Variants in B9D2 observed in about 807,000 individuals in gnomAD.
B9D2 encodes B9 domain-containing protein 2.
A neutral mutation model predicts 19.2 loss-of-function variants in B9D2; 21 were observed. The observed-to-expected ratio is 1.09, with a 90% confidence interval of 0.78 to 1.58. B9D2 has a LOEUF of 1.58. Among genes scored for constraint, B9D2 ranks in the 40% most tolerant of loss-of-function variants. The pLI is 0.00. For missense variants in B9D2, 221 were observed against 244.3 expected (o/e 0.90, Z 0.64); for synonymous variants, 91 against 100.6 (o/e 0.90, Z 0.57).
Position 41,356,696 on chromosome 19 carries a change from CA to C in B9D2, c.214+1200del, listed in dbSNP as rs1395522852. ...CCATCTCTATTAAAAAAAAAAAAGG[CA>C]AAAATTAGCCAGATGTGGTGGCACG... On this transcript the variant is annotated intron_variant, in intron 3 of 3. Transcript: ENST00000243578. Among the ~76,000 whole-genome samples, 10 of 150,664 alleles carry C rather than the reference CA, an allele frequency of 6.6e-5. No homozygotes were observed. The East Asian group carries it at 1.7e-3, about 26-fold the overall frequency.
intron 2 of B9D2, among the ~76,000 whole-genome samples, chr19:41,362,471 C>A (rs937010937): frequency 6.6e-6 from 1 of 151,564 alleles, no homozygotes; most frequent in African/African-American, 2.4e-5. Context: ...ATCTGTGCCA[C>A]GCAACAACAT....
chr19:41,360,541 T>TAG (rs1011954461), intron 2 of B9D2, among the ~76,000 whole-genome samples: 2 of 152,086 alleles, frequency 1.3e-5, no homozygotes, highest in Admixed American at 6.6e-5. Flanking sequence ...CTTTTGCTCT[T>TAG]GTTGCCCAAG....
chr19:41,356,735 C>A (rs985281638), intron 3 of B9D2, among the ~76,000 whole-genome samples: 1 of 151,896 alleles, frequency 6.6e-6, no homozygotes, highest in Non-Finnish European at 1.5e-5. Flanking sequence ...GCTGTAGTCC[C>A]AGCTACTCGT....
At chr19:41,361,544 T>C (rs968528567) in intron 2 of B9D2, among the ~76,000 whole-genome samples, 1 of 151,732 alleles carries the variant, frequency 6.6e-6, no homozygotes, top group Non-Finnish European at 1.5e-5. Flanking sequence ...TCCCAGCACT[T>C]TGGAAGGCCT....
At position 41,354,754 on chromosome 19, in the gene B9D2, G is replaced by A; in HGVS notation, c.474C>T (p.His158=). ...TGCGGAGCAGCAGGCCGATCTCCAG[G>A]TGCACGGTGCCACCAGCAGCTGTGT... The part of the protein sequence containing the change: ...RLHTAAGGTV[H]LEIGLLLRNF... Residue 158 remains histidine (H), a synonymous_variant, in exon 4 of 4, where the codon CAC becomes CAT. Coordinates refer to ENST00000243578, the MANE Select transcript of B9D2 (RefSeq NM_030578.4). The A allele has an allele frequency of 6.2e-7, 1 of 1,614,012 alleles. No individual in the cohort carries two copies. Among genetic ancestry groups the A allele is most frequent in the Non-Finnish European group, 8.5e-7 (1 of 1,180,036 alleles).
chr19:41,357,996 C>A lies in B9D2; in HGVS notation c.115G>T (p.Val39Leu). The A allele has an allele frequency of 6.2e-7, 1 of 1,614,132 alleles. No homozygotes were observed. Among genetic ancestry groups the A allele is most frequent in the Non-Finnish European group, 8.5e-7 (1 of 1,180,010 alleles). ...TCCACTTGCGTTTGGCCCTCCCGCA[C>A]GCCTGACAGGAGCTTCCATGCCGCC... Reference protein sequence around the residue: ...TGAAWKLLSGVREGQTQVDTP... With the variant: ...TGAAWKLLSGLREGQTQVDTP... Residue 39 changes from valine (V) to leucine (L), a missense_variant, in exon 3 of 4, where the codon GTG (valine) becomes TTG (leucine). By Grantham distance (32) the Val-to-Leu change is conservative (BLOSUM62 1). Transcript: ENST00000243578.
chr19:41,359,774 T>G (rs2038374976), intron 2 of B9D2, among the ~76,000 whole-genome samples: 1 of 152,108 alleles, frequency 6.6e-6, no homozygotes, highest in Admixed American at 6.5e-5. Context: ...TGCTAAGTAC[T>G]TTAAGCATCC....
chr19:41,357,304 A>G (rs1174042952), intron 3 of B9D2, among the ~76,000 whole-genome samples: 1 of 152,198 alleles, frequency 6.6e-6, no homozygotes, highest in Non-Finnish European at 1.5e-5. Flanking sequence ...GCTAAGGGAC[A>G]CTGCCTTGAT....
intron 2 of B9D2, among the ~76,000 whole-genome samples, chr19:41,360,302 A>C (rs1262741588): frequency 6.6e-6 from 1 of 152,016 alleles, no homozygotes; most frequent in Non-Finnish European, 1.5e-5. Context: ...CAACCTCCCA[A>C]GTAGTTGGGA....
At chr19:41,355,681 A>C (rs1028649327) in intron 3 of B9D2, among the ~76,000 whole-genome samples, 5 of 152,224 alleles carry the variant, frequency 3.3e-5, no homozygotes, top group African/African-American at 1.2e-4. Context: ...GGCAGACATG[A>C]ACATGGATGG....
intron 3 of B9D2, among the ~76,000 whole-genome samples, chr19:41,357,502 T>TC (rs2038332667): frequency 6.6e-6 from 1 of 152,128 alleles, no homozygotes; most frequent in Non-Finnish European, 1.5e-5. Context: ...AGTACTGATT[T>TC]CCCCTTTGAG....
chr19:41,362,336 C>T lies in B9D2; in HGVS notation c.88+1096G>A, dbSNP rs1266448144. ...ACCTGGAAGGCTGAGCTAGATTGCA[C>T]CACTGCACTACAGCCTGGGAAACAG... On this transcript the variant is annotated intron_variant, in intron 2 of 3. Coordinates refer to ENST00000243578, the MANE Select transcript of B9D2 (RefSeq NM_030578.4). 3.5e-5 allele frequency among the ~76,000 whole-genome samples: 5 copies of T among 143,386 alleles called. No individual in the cohort carries two copies. In the East Asian group the frequency reaches 1.0e-3, roughly 29 times the overall value. The allele number at this position is 143,386 out of a possible 152,430, so 94.1% of individuals were successfully genotyped here. A position where few individuals can be genotyped will look rare whatever the true frequency, so the allele number is the denominator to read the frequency against.
At chr19:41,358,677 T>C (rs151272674) in intron 2 of B9D2, among the ~76,000 whole-genome samples, 1,686 of 152,160 alleles carry the variant, frequency 0.011, 20 homozygotes, top group Non-Finnish European at 0.017. Context: ...CACATAACAA[T>C]TTCGATCCTA....
intron 3 of B9D2, among the ~76,000 whole-genome samples, 180 bp downstream of exon 3, chr19:41,357,717 G>A (rs867075613): frequency 4.1e-5 from 6 of 147,098 alleles, no homozygotes; most frequent in Middle Eastern, 3.5e-3. Context: ...ACTTGGGATC[G>A]CCTATTGAGC....
chr19:41,355,237 A>G (rs951922629), intron 3 of B9D2, among the ~76,000 whole-genome samples: 3 of 152,158 alleles, frequency 2.0e-5, no homozygotes, highest in African/African-American at 2.4e-5. Context: ...CTCCCCTGCT[A>G]AGGATCCTTC....
At chr19:41,358,611 T>C (rs890808762) in intron 2 of B9D2, among the ~76,000 whole-genome samples, 1 of 152,102 alleles carries the variant, frequency 6.6e-6, no homozygotes, top group Non-Finnish European at 1.5e-5. Flanking sequence ...TTTTCAAGCC[T>C]AGTCCAAGGA....
At chr19:41,363,544 TCA>T in intron 1 of B9D2, 21 bp from the exon 2 acceptor site, 2 of 1,605,652 alleles carry the variant, frequency 1.2e-6, no homozygotes, top group Non-Finnish European at 1.7e-6. Context: ...AAAAATATAA[TCA>T]CAACCCTGTG....
chr19:41,355,361 T>C (rs990422186), intron 3 of B9D2, among the ~76,000 whole-genome samples: 3 of 152,196 alleles, frequency 2.0e-5, no homozygotes, highest in African/African-American at 7.2e-5. Flanking sequence ...TGACCCCATG[T>C]CAGGGCAGCC....
intron 3 of B9D2, among the ~76,000 whole-genome samples, chr19:41,356,231 AG>A (rs1467127316): frequency 6.6e-6 from 1 of 151,782 alleles, no homozygotes; most frequent in Non-Finnish European, 1.5e-5. Flanking sequence ...GGTGCAGACC[AG>A]GGGGGTTGGG....
Sources: allele counts gnomAD v4.1 joint callset (sites outside exome capture counted in the v4.1 genomes callset), GRCh38; gene constraint gnomAD v4.1.1; transcripts MANE v1.5; gene names NCBI Gene and HGNC (gene_info 2026-07-23, HGNC 2026-07-21).